Variants in CFAP54 observed in about 807,000 individuals in gnomAD.
CFAP54 encodes cilia and flagella associated protein 54.
In CFAP54, 290 loss-of-function variants were observed where a neutral mutation model predicts 370.4. The ratio of observed to expected loss-of-function variants is 0.78; its 90% CI spans 0.71 to 0.86. CFAP54 has a LOEUF of 0.86. Among genes scored for constraint, CFAP54 ranks in the 40% least tolerant of loss-of-function variants. CFAP54 has a pLI of 0.00. For synonymous variants in CFAP54, 1,206 were observed against 1,236.5 expected (o/e 0.98, Z 0.52); for missense variants, 3,399 against 3,528.7 (o/e 0.96, Z 0.93).
chr12:96,643,331 C>T (rs17325039), intron 32 of CFAP54, among the ~76,000 whole-genome samples: 8,969 of 152,090 alleles, frequency 0.059, 382 homozygotes, highest in Non-Finnish European at 0.095. Flanking sequence ...TCAAATGTTT[C>T]CTCCTCTGTT....
At chr12:96,604,370 C>T (rs1168932033) in intron 26 of CFAP54, among the ~76,000 whole-genome samples, 2 of 152,146 alleles carry the variant, frequency 1.3e-5, no homozygotes, top group Admixed American at 6.5e-5. Flanking sequence ...GTCTGTTGGC[C>T]CTACTGGCAG....
At chr12:96,504,839 T>G (rs1198468043) in intron 3 of CFAP54, among the ~76,000 whole-genome samples, 1 of 152,198 alleles carries the variant, frequency 6.6e-6, no homozygotes, top group African/African-American at 2.4e-5. Flanking sequence ...TGGCACCCTG[T>G]TAGGGAAAAG....
At chr12:96,575,892 C>A (rs1484842057) in intron 19 of CFAP54, among the ~76,000 whole-genome samples, 1 of 152,022 alleles carries the variant, frequency 6.6e-6, no homozygotes, top group Non-Finnish European at 1.5e-5. Flanking sequence ...ACTTAGAGCT[C>A]AGTTAGAGAG....
intron 60 of CFAP54, among the ~76,000 whole-genome samples, chr12:96,780,071 T>A (rs1958566251): frequency 6.6e-6 from 1 of 152,206 alleles, no homozygotes; most frequent in Non-Finnish European, 1.5e-5. Context: ...GCATTCTTGA[T>A]ATACTCTGGA....
In CFAP54 at chr12:96,753,891, T is replaced by C; in HGVS notation, c.7833T>C (p.Phe2611=). Residue 2611 remains phenylalanine, a synonymous_variant, in exon 56 of 68, where the codon TTT becomes TTC. Coordinates refer to ENST00000524981, the MANE Select transcript of CFAP54 (RefSeq NM_001306084.2). The part of the protein sequence containing the change: ...EEHEVEAEIL[F]QKGKIERQIL... ...ATGAGGTGGAAGCTGAAATCCTTTTTCAGAAAGGTAAAATGCATCTGGGGT... is the reference window on the plus strand; with the variant it reads ...ATGAGGTGGAAGCTGAAATCCTTTTCCAGAAAGGTAAAATGCATCTGGGGT... 6.2e-7 allele frequency: 1 copy of C among 1,613,728 alleles called. No homozygotes were observed. The highest frequency in any genetic ancestry group is 1.1e-5 in the South Asian group (1 of 91,024).
At chr12:96,781,439 G>A (rs1483801952) in intron 60 of CFAP54, among the ~76,000 whole-genome samples, 1 of 152,118 alleles carries the variant, frequency 6.6e-6, no homozygotes, top group East Asian at 1.9e-4. Flanking sequence ...CTTAGTGAAA[G>A]TAATTTGATC....
intron 65 of CFAP54, among the ~76,000 whole-genome samples, chr12:96,826,039 TTA>T: frequency 6.9e-6 from 1 of 144,496 alleles, no homozygotes; most frequent in East Asian, 2.0e-4. Flanking sequence ...TATTAATATA[TTA>T]TATATATTTT....
chr12:96,644,454 A>G (rs762218413), intron 33 of CFAP54, 46 bp downstream of exon 33: 37 of 1,314,150 alleles, frequency 2.8e-5, no homozygotes, highest in Non-Finnish European at 3.7e-5. Flanking sequence ...TTTCATGAAC[A>G]TGGATTGTAT....
chr12:96,833,507 C>CGTGTGTGTGT lies in CFAP54; in HGVS notation c.9171+4447_9171+4456dup, dbSNP rs34316003. On this transcript the variant is annotated intron_variant, in intron 66 of 67. Coordinates refer to ENST00000524981, the MANE Select transcript of CFAP54 (RefSeq NM_001306084.2). ...TTGCCTAATCAATTACACACGCGTA[C>CGTGTGTGTGT]GTGTGTGTGTGTGTGTGTGTGTGTG... Among the ~76,000 whole-genome samples, 1,123 of 144,138 alleles carry CGTGTGTGTGT rather than the reference C, an allele frequency of 7.8e-3. 19 individuals are homozygous for CGTGTGTGTGT. The highest frequency in any genetic ancestry group is 0.027 in the African/African-American group (1,065 of 39,626). The allele number at this position is 144,138 out of a possible 152,430, so 94.6% of individuals were successfully genotyped here.
intron 36 of CFAP54, among the ~76,000 whole-genome samples, chr12:96,655,079 G>C (rs1426383311): frequency 6.6e-6 from 1 of 151,886 alleles, no homozygotes; most frequent in Non-Finnish European, 1.5e-5. Context: ...CACTATATAT[G>C]TGATATCAAG....
At chr12:96,802,910 T>C (rs936066439) in intron 63 of CFAP54, among the ~76,000 whole-genome samples, 2 of 152,164 alleles carry the variant, frequency 1.3e-5, no homozygotes, top group African/African-American at 4.8e-5. Flanking sequence ...CTCCCACTTA[T>C]GAGTGAGAAC....
In CFAP54 at chr12:96,591,697, G is replaced by A. The variant is rs574981290; in HGVS notation, c.3213-793G>A. Reference sequence around the variant, plus strand: ...GAGGTCAGGAGATCGAGACCATCCTGGCTAACACGGTGAAACCCCGTCTCT... The same window carrying A: ...GAGGTCAGGAGATCGAGACCATCCTAGCTAACACGGTGAAACCCCGTCTCT... On this transcript the variant is annotated intron_variant, in intron 23 of 67. Transcript: ENST00000524981. Among the ~76,000 whole-genome samples, 7 of 152,102 alleles carry A rather than the reference G, an allele frequency of 4.6e-5. No individual in the cohort carries two copies. The South Asian group carries it at 1.5e-3, about 32-fold the overall frequency.
chr12:96,872,789 G>T (rs1025035537), intron 67 of CFAP54, among the ~76,000 whole-genome samples: 1 of 152,146 alleles, frequency 6.6e-6, no homozygotes, highest in Admixed American at 6.5e-5. Context: ...AGAATTACTT[G>T]AGACAGGAGA....
chr12:96,687,893 G>A (rs1035640167), intron 42 of CFAP54, among the ~76,000 whole-genome samples: 2 of 152,216 alleles, frequency 1.3e-5, no homozygotes, highest in African/African-American at 4.8e-5. Context: ...AGCTTCTGAA[G>A]TTATTACCAA....
intron 65 of CFAP54, among the ~76,000 whole-genome samples, chr12:96,823,348 C>A (rs981864205): frequency 6.6e-6 from 1 of 152,162 alleles, no homozygotes; most frequent in Non-Finnish European, 1.5e-5. Flanking sequence ...AGGGCTTATT[C>A]ATCATTATAT....
At chr12:96,693,613 C>A (rs1279758092) in intron 44 of CFAP54, 109 bp from the exon 45 acceptor site, 5 of 636,782 alleles carry the variant, frequency 7.9e-6, no homozygotes, top group African/African-American at 1.9e-5. Flanking sequence ...GCATGGAAAG[C>A]AAATCAGTAT....
intron 67 of CFAP54, among the ~76,000 whole-genome samples, chr12:96,870,995 T>C (rs1452843271): frequency 1.3e-5 from 2 of 152,174 alleles, no homozygotes; most frequent in African/African-American, 2.4e-5. Context: ...AGGAAGAGGC[T>C]GAATGACTGA....
At chr12:96,750,442 T>A (rs1958169892) in intron 55 of CFAP54, among the ~76,000 whole-genome samples, 1 of 152,244 alleles carries the variant, frequency 6.6e-6, no homozygotes, top group Non-Finnish European at 1.5e-5. Flanking sequence ...TGATCATTGT[T>A]ATATGTTGAT....
intron 17 of CFAP54, among the ~76,000 whole-genome samples, chr12:96,564,209 A>G (rs529848000): frequency 6.6e-6 from 1 of 152,214 alleles, no homozygotes; most frequent in Non-Finnish European, 1.5e-5. Context: ...CCTCAGGATG[A>G]CTTTATTCAA....
Sources: allele counts gnomAD v4.1 joint callset (sites outside exome capture counted in the v4.1 genomes callset), GRCh38; gene constraint gnomAD v4.1.1; transcripts MANE v1.5; gene names NCBI Gene and HGNC (gene_info 2026-07-23, HGNC 2026-07-21).